The following SLC4A4 variants were observed in gnomAD, a reference collection of about 807,000 sequenced individuals.
SLC4A4 encodes solute carrier family 4 member 4.
SLC4A4 carries 27 observed loss-of-function variants against 111.5 expected under a neutral mutation model. The ratio of observed to expected loss-of-function variants is 0.24; its 90% CI spans 0.18 to 0.33. The LOEUF (loss-of-function observed/expected upper bound fraction) is 0.33, where lower values mean the gene tolerates loss of function less well. Ranked by LOEUF, SLC4A4 falls within the 10% of genes least tolerant of loss-of-function variation. The pLI is 1.00. For synonymous variants in SLC4A4, 443 were observed against 463.4 expected, an observed-to-expected ratio of 0.96 and a Z score of 0.57; for missense variants, 909 against 1,315.5, an observed-to-expected ratio of 0.69 and a Z score of 4.78.
At chr4:71,097,975 T>C (rs1742608301) in intron 2 of SLC4A4, among the ~76,000 whole-genome samples, 1 of 152,210 alleles carries the variant, frequency 6.6e-6, no homozygotes, top group Non-Finnish European at 1.5e-5. Context: ...AGGTTGTTTG[T>C]TTACTCTGTT....
At chr4:71,399,578 A>G in intron 7 of SLC4A4, among the ~76,000 whole-genome samples, 1 of 149,204 alleles carries the variant, frequency 6.7e-6, no homozygotes, top group Non-Finnish European at 1.5e-5. Context: ...GTTGGAATTG[A>G]TCCCTTGTCC....
At chr4:71,377,475 A>G (rs973227733) in intron 6 of SLC4A4, among the ~76,000 whole-genome samples, 1 of 152,182 alleles carries the variant, frequency 6.6e-6, no homozygotes, top group South Asian at 2.1e-4. Context: ...TGTTGGGGTG[A>G]GAGGAAGAGC....
intron 6 of SLC4A4, among the ~76,000 whole-genome samples, chr4:71,380,003 T>C (rs995427355): frequency 2.0e-5 from 3 of 152,090 alleles, no homozygotes; most frequent in Non-Finnish European, 4.4e-5. Context: ...AAATGGACAC[T>C]TAACCTGAAA....
At chr4:71,176,185 C>T (rs2602082) in intron 2 of SLC4A4, among the ~76,000 whole-genome samples, 27,443 of 151,938 alleles carry the variant, frequency 0.18, 5,586 homozygotes, top group African/African-American at 0.5. Flanking sequence ...CTGTACGTCA[C>T]CATCATCAAA....
At chr4:71,109,374 C>G (rs1050580592) in intron 2 of SLC4A4, among the ~76,000 whole-genome samples, 21 of 151,900 alleles carry the variant, frequency 1.4e-4, no homozygotes, top group African/African-American at 4.8e-4. Context: ...CTTTAAATCC[C>G]CTGGAAGTCA....
At chr4:71,219,801 G>A (rs1813570) in intron 1 of SLC4A4, among the ~76,000 whole-genome samples, 103,897 of 152,066 alleles carry the variant, frequency 0.68, 39,568 homozygotes, top group Non-Finnish European at 0.86. Context: ...TCATTACTTC[G>A]ATGGAGAAAG....
intron 2 of SLC4A4, among the ~76,000 whole-genome samples, chr4:71,146,112 G>A (rs936998982): frequency 4.6e-5 from 7 of 152,270 alleles, no homozygotes; most frequent in African/African-American, 7.2e-5. Context: ...TCTACACACC[G>A]CTTTGAATGT....
At chr4:71,281,403 G>T (rs1016447301) in intron 3 of SLC4A4, among the ~76,000 whole-genome samples, 4 of 152,140 alleles carry the variant, frequency 2.6e-5, no homozygotes, top group African/African-American at 9.7e-5. Context: ...CAGGAGGCCT[G>T]GGATCTAATG....
intron 2 of SLC4A4, among the ~76,000 whole-genome samples, chr4:71,156,588 G>GCGCACACACACA (rs376043069): frequency 3.5e-4 from 49 of 138,566 alleles, no homozygotes; most frequent in South Asian, 1.6e-3. Flanking sequence ...GCGCGCGCGC[G>GCGCACACACACA]CACACACACA....
At chr4:71,085,376 G>C (rs1742130490) in intron 1 of SLC4A4, among the ~76,000 whole-genome samples, 1 of 151,982 alleles carries the variant, frequency 6.6e-6, no homozygotes, top group Non-Finnish European at 1.5e-5. Flanking sequence ...TCTGATGGTA[G>C]TTTCTTTTGC....
chr4:71,357,792 C>T (rs1188704839), intron 6 of SLC4A4, among the ~76,000 whole-genome samples: 1 of 149,664 alleles, frequency 6.7e-6, no homozygotes, highest in Non-Finnish European at 1.5e-5. Flanking sequence ...ATAAGTAAGG[C>T]ACTGTATCCT....
chr4:71,367,656 A>G (rs1379290763), intron 6 of SLC4A4, among the ~76,000 whole-genome samples: 2 of 152,198 alleles, frequency 1.3e-5, no homozygotes, highest in Non-Finnish European at 1.5e-5. Context: ...TCTTAGTGCA[A>G]TAAAAAGTTG....
chr4:71,556,075 T>C (rs1736456883), intron 21 of SLC4A4, among the ~76,000 whole-genome samples: 1 of 151,970 alleles, frequency 6.6e-6, no homozygotes, highest in Non-Finnish European at 1.5e-5. Context: ...TTGAACCCCT[T>C]CAAAATAGTC....
chr4:71,548,155 G>A (rs1735691164), intron 20 of SLC4A4, among the ~76,000 whole-genome samples: 1 of 151,756 alleles, frequency 6.6e-6, no homozygotes, highest in South Asian at 2.1e-4. Context: ...CATGAGTGAT[G>A]CAGGATAACC....
chr4:71,179,489 T>A (rs1053490915), intron 2 of SLC4A4, among the ~76,000 whole-genome samples: 2 of 152,194 alleles, frequency 1.3e-5, no homozygotes, highest in African/African-American at 4.8e-5. Flanking sequence ...CTTAAGCCGA[T>A]AAGCAACTTC....
intron 25 of SLC4A4, among the ~76,000 whole-genome samples, 191 bp from the exon 26 acceptor site, chr4:71,567,596 TA>T (rs1737601288): frequency 6.6e-6 from 1 of 151,944 alleles, no homozygotes; most frequent in Admixed American, 6.6e-5. Context: ...TGAATTTTTT[TA>T]CTTGAATTTC....
At chr4:71,092,639 T>C (rs1390850375) in intron 1 of SLC4A4, among the ~76,000 whole-genome samples, 1 of 152,168 alleles carries the variant, frequency 6.6e-6, no homozygotes, top group Admixed American at 6.5e-5. Flanking sequence ...GATTCTTACA[T>C]GGGTTTAGGT....
At chr4:71,311,176 G>C (rs926772386) in intron 3 of SLC4A4, among the ~76,000 whole-genome samples, 3 of 152,114 alleles carry the variant, frequency 2.0e-5, no homozygotes, top group African/African-American at 7.2e-5. Context: ...CAATACAGGA[G>C]CACCCAGATT....
At chr4:71,196,439 T>C (rs909127611) in intron 1 of SLC4A4, among the ~76,000 whole-genome samples, 9 of 151,940 alleles carry the variant, frequency 5.9e-5, no homozygotes, top group Admixed American at 2.0e-4. Context: ...AGAAATGAAA[T>C]AAAAACACCA....
Sources: gnomAD v4.1 joint callset for allele counts (sites outside exome capture counted in the v4.1 genomes callset) on GRCh38, gnomAD v4.1.1 for gene constraint, MANE v1.5 for transcripts, NCBI Gene and HGNC (gene_info 2026-07-23, HGNC 2026-07-21) for gene names.